NSMCE2: variants seen among roughly 807,000 people sequenced by gnomAD.
NSMCE2 encodes E3 SUMO-protein ligase NSE2.
Under a neutral mutation model 23.8 loss-of-function variants are expected in NSMCE2, and 24 were observed. The ratio of observed to expected loss-of-function variants is 1.01; its 90% CI spans 0.73 to 1.42. The LOEUF is 1.42. Ranked by LOEUF, NSMCE2 falls within the 40% of genes most tolerant of loss-of-function variation. NSMCE2 has a pLI of 0.00. For missense variants in NSMCE2, 284 were observed against 296.5 expected, an observed-to-expected ratio of 0.96 and a Z score of 0.31; for synonymous variants, 92 against 94.1, an observed-to-expected ratio of 0.98 and a Z score of 0.13.
At chr8:125,283,079 C>T (rs1827756075) in intron 5 of NSMCE2, among the ~76,000 whole-genome samples, 1 of 152,158 alleles carries the variant, frequency 6.6e-6, no homozygotes, top group Non-Finnish European at 1.5e-5. Context: ...TCATTTTTCA[C>T]ATCAGTAAGT....
intron 5 of NSMCE2, among the ~76,000 whole-genome samples, chr8:125,298,865 G>T (rs1174499337): frequency 5.3e-5 from 8 of 151,980 alleles, no homozygotes; most frequent in Non-Finnish European, 1.2e-4. Flanking sequence ...CAAAACTCAG[G>T]ACAGTGTTAG....
chr8:125,130,155 G>C (rs537555207), intron 3 of NSMCE2: 1 of 439,670 alleles, frequency 2.3e-6, no homozygotes, highest in Non-Finnish European at 4.6e-6. Context: ...GTGTTTTGTA[G>C]AATGTCTCTC....
At chr8:125,300,959 C>G (rs149959702) in intron 5 of NSMCE2, among the ~76,000 whole-genome samples, 206 of 152,302 alleles carry the variant, frequency 1.4e-3, no homozygotes, top group African/African-American at 4.7e-3. Flanking sequence ...CATCTCAGTT[C>G]CAAATAGTGT....
chr8:125,193,395 G>A (rs774052779), intron 5 of NSMCE2, among the ~76,000 whole-genome samples: 1 of 152,168 alleles, frequency 6.6e-6, no homozygotes, highest in Non-Finnish European at 1.5e-5. Flanking sequence ...TTAAAAATTA[G>A]CAAAGGTTTG....
At chr8:125,236,562 C>T (rs966120460) in intron 5 of NSMCE2, among the ~76,000 whole-genome samples, 3 of 151,944 alleles carry the variant, frequency 2.0e-5, no homozygotes, top group African/African-American at 7.2e-5. Flanking sequence ...AGAAAAAGAC[C>T]TGGAGGTACT....
intron 5 of NSMCE2, among the ~76,000 whole-genome samples, chr8:125,343,939 G>C (rs901026182): frequency 6.6e-6 from 1 of 152,198 alleles, no homozygotes; most frequent in African/African-American, 2.4e-5. Flanking sequence ...CTGGGAGGCA[G>C]AGCTTGCAGT....
Position 125,352,931 on chromosome 8 carries a change from A to G in NSMCE2, c.419-4288A>G, listed in dbSNP as rs909920941. 1.1e-4 allele frequency among the ~76,000 whole-genome samples: 16 copies of G among 151,894 alleles called. 1 individual carries two copies. In the East Asian group the frequency reaches 2.9e-3, roughly 28 times the overall value. ...CTATTGAGAGTCTTTCTCTTTTTAG[A>G]CTCTTGGTCTGTGGTCTCTTACTCA... On this transcript the variant is annotated intron_variant, in intron 5 of 7. Coordinates refer to ENST00000287437, the MANE Select transcript of NSMCE2 (RefSeq NM_173685.4).
chr8:125,223,885 C>T (rs1824982091), intron 5 of NSMCE2, among the ~76,000 whole-genome samples: 3 of 147,738 alleles, frequency 2.0e-5, no homozygotes. Context: ...AATCATAGCT[C>T]CACTATGCAG....
chr8:125,309,434 T>A (rs1828892431), intron 5 of NSMCE2, among the ~76,000 whole-genome samples: 1 of 151,818 alleles, frequency 6.6e-6, no homozygotes, highest in South Asian at 2.1e-4. Context: ...TAGAAGTGTT[T>A]TATTAAGATC....
rs1285901194 is a variant in NSMCE2 at position 125,324,598 on chromosome 8, C to T, written c.419-32621C>T. 6.4e-5 allele frequency among the ~76,000 whole-genome samples: 2 copies of T among 31,490 alleles called. 1 individual carries two copies. Among genetic ancestry groups the T allele is most frequent in the Non-Finnish European group, 1.6e-4 (2 of 12,156 alleles). 20.7% of individuals were successfully genotyped at this position (31,490 alleles called of 152,430 possible). ...TTTTTTTTTTTTTTTTTTTTTGAGACGAGTCTGGCTCTGTTGCCCAGGCTG... is the reference window on the plus strand; with the variant it reads ...TTTTTTTTTTTTTTTTTTTTTGAGATGAGTCTGGCTCTGTTGCCCAGGCTG... On this transcript the variant is annotated intron_variant, in intron 5 of 7. Coordinates refer to ENST00000287437, the MANE Select transcript of NSMCE2 (RefSeq NM_173685.4).
At chr8:125,330,177 C>CTT (rs34345598) in intron 5 of NSMCE2, among the ~76,000 whole-genome samples, 1,318 of 119,042 alleles carry the variant, frequency 0.011, 42 homozygotes, top group Non-Finnish European at 0.016. Context: ...TTTCTTTTTT[C>CTT]TTTCTTTTTT....
At chr8:125,279,110 A>G (rs1225218666) in intron 5 of NSMCE2, among the ~76,000 whole-genome samples, 1 of 152,204 alleles carries the variant, frequency 6.6e-6, no homozygotes, top group African/African-American at 2.4e-5. Context: ...AGTTAAATAC[A>G]TATATATTTT....
At chr8:125,333,572 T>A (rs1284341734) in intron 5 of NSMCE2, among the ~76,000 whole-genome samples, 1 of 125,012 alleles carries the variant, frequency 8.0e-6, no homozygotes, top group Non-Finnish European at 1.6e-5. Context: ...TGGAGTGCAG[T>A]GGCGCGATCT....
chr8:125,313,964 C>T lies in NSMCE2; in HGVS notation c.419-43255C>T, dbSNP rs545258097. ...GACCCCCTAGAAAGCCCTGCATGAG[C>T]AACTTTAGGCTATCTGGCATTTCCA... is the stretch of plus-strand genomic sequence containing the variant. On this transcript the variant is annotated intron_variant, in intron 5 of 7. Coordinates refer to ENST00000287437, the MANE Select transcript of NSMCE2 (RefSeq NM_173685.4). 2.6e-5 allele frequency among the ~76,000 whole-genome samples: 4 copies of T among 152,276 alleles called. No individual in the cohort carries two copies. The South Asian group carries it at 6.2e-4, about 24-fold the overall frequency.
chr8:125,236,102 G>A (rs1825537182), intron 5 of NSMCE2, among the ~76,000 whole-genome samples: 2 of 152,108 alleles, frequency 1.3e-5, no homozygotes, highest in South Asian at 4.1e-4. Context: ...AGGAATTAAA[G>A]GCTAAAGTCT....
intron 4 of NSMCE2, among the ~76,000 whole-genome samples, chr8:125,155,525 A>G (rs1480008001): frequency 1.3e-5 from 2 of 152,222 alleles, no homozygotes; most frequent in Non-Finnish European, 2.9e-5. Flanking sequence ...AGTGCCTACT[A>G]TGTGCCAGGA....
At chr8:125,319,898 C>G (rs1829354263) in intron 5 of NSMCE2, among the ~76,000 whole-genome samples, 1 of 151,986 alleles carries the variant, frequency 6.6e-6, no homozygotes, top group South Asian at 2.1e-4. Flanking sequence ...TGTGGCTGGC[C>G]AGGCGTGGTG....
intron 4 of NSMCE2, among the ~76,000 whole-genome samples, chr8:125,172,872 T>C (rs1586561323): frequency 6.6e-6 from 1 of 152,364 alleles, no homozygotes; most frequent in South Asian, 2.1e-4. Flanking sequence ...TAGATTTTTA[T>C]CTGTAGATTT....
At chr8:125,287,535 C>T (rs999688280) in intron 5 of NSMCE2, among the ~76,000 whole-genome samples, 1 of 152,116 alleles carries the variant, frequency 6.6e-6, no homozygotes, top group Non-Finnish European at 1.5e-5. Context: ...CTAAGTAAGA[C>T]AACTTTCTCC....
Sources: allele counts gnomAD v4.1 joint callset (sites outside exome capture counted in the v4.1 genomes callset), GRCh38; gene constraint gnomAD v4.1.1; transcripts MANE v1.5; gene names NCBI Gene and HGNC (gene_info 2026-07-23, HGNC 2026-07-21).